CAMK4: variants seen among roughly 807,000 people sequenced by gnomAD.
CAMK4 encodes calcium/calmodulin dependent protein kinase IV.
CAMK4 carries 22 observed loss-of-function variants against 44.9 expected under a neutral mutation model. That is an observed-to-expected ratio of 0.49 (90% confidence interval 0.35 to 0.70). The LOEUF is 0.70. CAMK4 is among the 30% of genes least tolerant of loss of function. The pLI is 0.01. For missense variants in CAMK4, 498 were observed against 586.8 expected, an observed-to-expected ratio of 0.85 and a Z score of 1.56; for synonymous variants, 218 against 215.4, an observed-to-expected ratio of 1.01 and a Z score of -0.11.
At chr5:111,247,492 A>G (rs1228340231) in intron 1 of CAMK4, among the ~76,000 whole-genome samples, 1 of 149,226 alleles carries the variant, frequency 6.7e-6, no homozygotes, top group Non-Finnish European at 1.5e-5. Flanking sequence ...TAAATTGATT[A>G]TAAATATAAC....
intron 5 of CAMK4, among the ~76,000 whole-genome samples, chr5:111,434,477 G>T (rs1561486244): frequency 6.6e-6 from 1 of 152,154 alleles, no homozygotes; most frequent in African/African-American, 2.4e-5. Context: ...GAATGTCTCA[G>T]GGGCCCCGAA....
chr5:111,478,139 A>G (rs1243325193), intron 8 of CAMK4, among the ~76,000 whole-genome samples: 1 of 151,518 alleles, frequency 6.6e-6, no homozygotes, highest in Non-Finnish European at 1.5e-5. Flanking sequence ...TATAATTATT[A>G]TTATAGCTTT....
chr5:111,430,108 G>A (rs1291923660), intron 5 of CAMK4, among the ~76,000 whole-genome samples: 2 of 152,044 alleles, frequency 1.3e-5, no homozygotes, highest in Admixed American at 6.5e-5. Flanking sequence ...ACATTAGGAA[G>A]GTAATCCATC....
intron 1 of CAMK4, among the ~76,000 whole-genome samples, chr5:111,239,088 G>A (rs942121156): frequency 5.9e-5 from 9 of 152,016 alleles, no homozygotes; most frequent in African/African-American, 1.2e-4. Context: ...AAAACTTGGC[G>A]CATCTTGAGT....
At chr5:111,401,703 G>A (rs1292405227) in intron 5 of CAMK4, among the ~76,000 whole-genome samples, 4 of 152,226 alleles carry the variant, frequency 2.6e-5, no homozygotes, top group Admixed American at 6.5e-5. Context: ...ACTCAAAAAC[G>A]GAAAAGGCAA....
At chr5:111,279,756 T>G (rs965338876) in intron 1 of CAMK4, among the ~76,000 whole-genome samples, 1 of 152,220 alleles carries the variant, frequency 6.6e-6, no homozygotes, top group Non-Finnish European at 1.5e-5. Context: ...TATGTGTGTG[T>G]ATATTTACCC....
chr5:111,395,716 A>G (rs1751982074), intron 5 of CAMK4, among the ~76,000 whole-genome samples: 2 of 152,308 alleles, frequency 1.3e-5, no homozygotes, highest in South Asian at 2.1e-4. Context: ...TAAGCAGGTA[A>G]TATTTGCCTG....
intron 7 of CAMK4, among the ~76,000 whole-genome samples, chr5:111,463,716 T>C (rs960293883): frequency 6.6e-6 from 1 of 152,228 alleles, no homozygotes; most frequent in Non-Finnish European, 1.5e-5. Context: ...GCAGCTCCAC[T>C]GGGTGGCTAG....
In CAMK4 at chr5:111,428,978, C is replaced by T. The variant is rs186743021; in HGVS notation, c.460-17708C>T. Among the ~76,000 whole-genome samples, 54 of 152,044 alleles carry T rather than the reference C, an allele frequency of 3.6e-4. 1 individual carries two copies. The Middle Eastern group carries it at 0.01, about 29-fold the overall frequency. ...GAAACATGACATATCAAAACCTATG[C>T]GATACAGCAAAACAGTATTCAGAGG... On this transcript the variant is annotated intron_variant, in intron 5 of 10. Coordinates refer to ENST00000282356, the MANE Select transcript of CAMK4 (RefSeq NM_001744.6).
intron 5 of CAMK4, among the ~76,000 whole-genome samples, chr5:111,409,092 G>A (rs1373227270): frequency 6.6e-6 from 1 of 152,176 alleles, no homozygotes; most frequent in African/African-American, 2.4e-5. Context: ...GGAGGATGGT[G>A]GCCCCTGCTC....
intron 1 of CAMK4, among the ~76,000 whole-genome samples, chr5:111,320,100 T>C (rs58303159): frequency 0.059 from 8,963 of 152,180 alleles, 362 homozygotes; most frequent in African/African-American, 0.1. Context: ...CATCACAAAA[T>C]TGGAGGAGGT....
At chr5:111,385,087 G>A (rs1034679682) in intron 4 of CAMK4, among the ~76,000 whole-genome samples, 2 of 152,060 alleles carry the variant, frequency 1.3e-5, no homozygotes, top group African/African-American at 2.4e-5. Context: ...AAGCATATTA[G>A]GGATTATAAT....
intron 5 of CAMK4, among the ~76,000 whole-genome samples, chr5:111,406,432 C>A (rs888753487): frequency 1.3e-5 from 2 of 152,036 alleles, no homozygotes; most frequent in Non-Finnish European, 2.9e-5. Context: ...CCATGTTGGC[C>A]AGGCTGGTCT....
chr5:111,460,174 A>T (rs923945444), intron 7 of CAMK4, among the ~76,000 whole-genome samples: 5 of 151,998 alleles, frequency 3.3e-5, no homozygotes, highest in Middle Eastern at 3.2e-3. Context: ...AAAAATAAAA[A>T]GTTTTGCAAG....
intron 7 of CAMK4, among the ~76,000 whole-genome samples, chr5:111,459,437 G>C (rs1186218450): frequency 6.6e-6 from 1 of 152,178 alleles, no homozygotes; most frequent in Non-Finnish European, 1.5e-5. Flanking sequence ...CAAGGAAAGA[G>C]AAGGAAGACT....
chr5:111,359,795 C>T (rs1750519048), intron 2 of CAMK4, among the ~76,000 whole-genome samples: 1 of 151,922 alleles, frequency 6.6e-6, no homozygotes, highest in African/African-American at 2.4e-5. Context: ...TTAATCTTCA[C>T]TCCCAGCATT....
chr5:111,316,333 C>A (rs775432641), intron 1 of CAMK4, among the ~76,000 whole-genome samples: 1 of 152,154 alleles, frequency 6.6e-6, no homozygotes, highest in Non-Finnish European at 1.5e-5. Context: ...TCACCACTGT[C>A]CCACTTAACT....
rs772366765 is a variant in CAMK4 at position 111,484,143 on chromosome 5, G to A, written c.1099G>A (p.Glu367Lys). The change falls in exon 11 of 11, where the codon GAG becomes AAG. Residue 367 changes from glutamate (E) to lysine (K), a missense_variant. Physicochemically the swap from Glu to Lys is moderately conservative, Grantham distance 56. Around this residue, in one of 3 missense-constraint regions of CAMK4, gnomAD observed 143 missense variants for 144.9 expected, o/e 0.99. Transcript: ENST00000282356. This position sits in a 1 kb window ranked among gnomAD's most constrained non-coding sequence, Gnocchi z 5.3. ...RDPSPIQDGN[E>K]DMKAIPEGEK... ...CCCTTCTCCAATCCAAGATGGCAAC[G>A]AGGACATGAAAGCTATTCCAGAAGG... The A allele has an allele frequency of 1.2e-5, 20 of 1,614,070 alleles. No individual in the cohort carries two copies. Among genetic ancestry groups the A allele is most frequent in the South Asian group, 3.3e-5 (3 of 91,092 alleles).
chr5:111,461,806 T>A (rs1580785082), intron 7 of CAMK4, among the ~76,000 whole-genome samples: 1 of 41,838 alleles, frequency 2.4e-5, no homozygotes. Flanking sequence ...AAAACAAGCC[T>A]CTATAGTAAA....
Sources: allele counts gnomAD v4.1 joint callset (sites outside exome capture counted in the v4.1 genomes callset), GRCh38; gene constraint gnomAD v4.1.1; regional missense constraint gnomAD v4.1.1; non-coding constraint Gnocchi (gnomAD v3.1); transcripts MANE v1.5; gene names NCBI Gene and HGNC (gene_info 2026-07-23, HGNC 2026-07-21).